PREPL: variants seen among roughly 807,000 people sequenced by gnomAD.
PREPL encodes prolyl endopeptidase like.
In PREPL, 77 loss-of-function variants were observed where a neutral mutation model predicts 70.6. The ratio of observed to expected loss-of-function variants is 1.09; its 90% confidence interval spans 0.91 to 1.32. The LOEUF is 1.32. Among genes scored for constraint, PREPL ranks in the 40% most tolerant of loss-of-function variants. The pLI is 0.00. For missense variants in PREPL, 1,002 were observed against 778.2 expected (o/e 1.29, Z -3.42); for synonymous variants, 315 against 264.8 (o/e 1.19, Z -1.84).
chr2:44,318,692 G>A lies in PREPL; in HGVS notation c.*2664C>T, dbSNP rs892878717. The A allele has an allele frequency of 6.6e-6, 1 of 151,858 alleles. No homozygotes were observed. Among genetic ancestry groups the A allele is most frequent in the Admixed American group, 6.6e-5 (1 of 15,240 alleles). 9.4% of individuals were successfully genotyped at this position (151,858 alleles called of 1,614,324 possible). Reference sequence around the variant, plus strand: ...TCTCTGAGGGGAACTGTGAAGCTATGGAAAGGTGTTGAAGAAAACCTTTTT... The same window carrying A: ...TCTCTGAGGGGAACTGTGAAGCTATAGAAAGGTGTTGAAGAAAACCTTTTT... On this transcript the variant is annotated 3_prime_UTR_variant, in exon 14 of 14. Transcript: ENST00000409411.
At chr2:44,321,689 C>CT in intron 13 of PREPL, 138 bp downstream of exon 13, 1 of 1,565,986 alleles carries the variant, frequency 6.4e-7, no homozygotes, top group Non-Finnish European at 8.7e-7. Flanking sequence ...GTGTCCCTCC[C>CT]TCCCCTCCTG....
intron 12 of PREPL, 93 bp downstream of exon 12, chr2:44,322,637 GA>G: frequency 6.9e-7 from 1 of 1,455,630 alleles, no homozygotes; most frequent in Non-Finnish European, 9.3e-7. Context: ...CTGGGCAGAT[GA>G]TTTGGCTACA....
Position 44,328,943 on chromosome 2 carries a change from T to C in PREPL, c.1256A>G (p.His419Arg), listed in dbSNP as rs1470203044. ...VDDGWILAYC[H>R]VRGGGELGLQ... Reference sequence around the variant, plus strand: ...GTAAAATATACTGACTCACCGAACATGGCAGTATGCTAATATCCATCCATC... The same window carrying C: ...GTAAAATATACTGACTCACCGAACACGGCAGTATGCTAATATCCATCCATC... The change falls in exon 9 of 14, where the codon CAT becomes CGT. Residue 419 changes from histidine (H) to arginine (R), a missense_variant. His to Arg is a conservative substitution (Grantham distance 29). Coordinates refer to ENST00000409411, the MANE Select transcript of PREPL (RefSeq NM_001171613.2). 4 of 1,612,238 alleles carry C rather than the reference T, an allele frequency of 2.5e-6. No homozygotes were observed. The African/African-American group carries it at 4.0e-5, about 16-fold the overall frequency.
At chr2:44,322,465 A>C (rs1299932049) in intron 12 of PREPL, among the ~76,000 whole-genome samples, 1 of 152,202 alleles carries the variant, frequency 6.6e-6, no homozygotes, top group Non-Finnish European at 1.5e-5. Flanking sequence ...GTGCATCTCC[A>C]AGTTATATCT....
chr2:44,338,736 G>A (rs1674897959), intron 6 of PREPL, among the ~76,000 whole-genome samples, 200 bp from the exon 7 acceptor site: 1 of 152,156 alleles, frequency 6.6e-6, no homozygotes, highest in Non-Finnish European at 1.5e-5. Flanking sequence ...TGGTGAGACA[G>A]TATATCCAGT....
At position 44,346,313 on chromosome 2, in the gene PREPL, T is replaced by C. The variant is rs1442379605; in HGVS notation, c.30A>G (p.Lys10=). 5 of 1,612,590 alleles carry C rather than the reference T, an allele frequency of 3.1e-6. No individual in the cohort carries two copies. The Admixed American group carries it at 8.3e-5, about 27-fold the overall frequency. MDAFEKVRT[K]LETQPQEEYE... Reference sequence around the variant, plus strand: ...ATTCTTCTTGTGGCTGTGTTTCTAATTTTGTTCTCACTTTTTCAAATGCAT... The same window carrying C: ...ATTCTTCTTGTGGCTGTGTTTCTAACTTTGTTCTCACTTTTTCAAATGCAT... Residue 10 remains lysine, a synonymous_variant, in exon 2 of 14, where the codon AAA becomes AAG. Transcript: ENST00000409411.
At chr2:44,341,572 G>A (rs1280111997) in intron 5 of PREPL, among the ~76,000 whole-genome samples, 1 of 152,020 alleles carries the variant, frequency 6.6e-6, no homozygotes, top group South Asian at 2.1e-4. Context: ...TGTGGTTACA[G>A]GAAGTGAGAA....
intron 7 of PREPL, among the ~76,000 whole-genome samples, chr2:44,335,157 A>C (rs1211373131): frequency 6.6e-6 from 1 of 152,252 alleles, no homozygotes; most frequent in Non-Finnish European, 1.5e-5. Flanking sequence ...GGGAAGGGTC[A>C]GAAAATGAAG....
intron 10 of PREPL, 118 bp downstream of exon 10, chr2:44,326,594 C>T: frequency 9.4e-7 from 1 of 1,068,542 alleles, no homozygotes; most frequent in Non-Finnish European, 1.4e-6. Context: ...CTCAGTTTCC[C>T]GAAGTGCTGG....
At chr2:44,331,202 C>T (rs1332056463) in intron 8 of PREPL, among the ~76,000 whole-genome samples, 1 of 152,182 alleles carries the variant, frequency 6.6e-6, no homozygotes, top group Non-Finnish European at 1.5e-5. Context: ...CTTGGCCTCC[C>T]AAAGTGTTGG....
chr2:44,321,826 C>A lies in PREPL; in HGVS notation c.1827+1G>T. On this transcript the variant is annotated splice_donor_variant, in intron 13 of 13. Coordinates refer to ENST00000409411, the MANE Select transcript of PREPL (RefSeq NM_001171613.2). LOFTEE classifies it high-confidence loss of function. ...CCACTGAGAGGGCCTTGATAACATACCTTTTTGTGAGAATCCTCAATTACA... is the reference window on the plus strand; with the variant it reads ...CCACTGAGAGGGCCTTGATAACATAACTTTTTGTGAGAATCCTCAATTACA... 3.1e-6 allele frequency: 5 copies of A among 1,613,722 alleles called. No individual in the cohort carries two copies. Among genetic ancestry groups the A allele is most frequent in the Non-Finnish European group, 4.2e-6 (5 of 1,179,736 alleles).
At chr2:44,343,697 G>C (rs1233995576) in intron 4 of PREPL, 48 bp downstream of exon 4, 1 of 1,530,002 alleles carries the variant, frequency 6.5e-7, no homozygotes, top group Non-Finnish European at 9.0e-7. Context: ...TTTCAAAAGT[G>C]TTACCGTTGC....
At chr2:44,351,089 ATT>A (rs112509073) in intron 1 of PREPL, among the ~76,000 whole-genome samples, 15,532 of 136,416 alleles carry the variant, frequency 0.11, 2,658 homozygotes, top group African/African-American at 0.39. Flanking sequence ...ACGCTGGCTA[ATT>A]TTTTTTTTTT....
chr2:44,322,727 C>T lies in PREPL; in HGVS notation c.1753+4G>A. On this transcript the variant is annotated splice_donor_region_variant and intron_variant, in intron 12 of 13. Transcript: ENST00000409411. ...ATGTTCCCTGCTTCTAGGGGGTCTCCTACCTTCACCTGTGTCCTTAGCATG... is the reference window on the plus strand; with the variant it reads ...ATGTTCCCTGCTTCTAGGGGGTCTCTTACCTTCACCTGTGTCCTTAGCATG... 5 of 1,612,212 alleles carry T rather than the reference C, an allele frequency of 3.1e-6. No homozygotes were observed. Among genetic ancestry groups the T allele is most frequent in the Non-Finnish European group, 4.2e-6 (5 of 1,179,136 alleles).
chr2:44,320,520 A>G lies in PREPL; in HGVS notation c.*836T>C, dbSNP rs1474623011. ...TTTTCTGGACAAGGGAGAGGGACTC[A>G]TCTTTGAACACAACACGAAGAATCT... On this transcript the variant is annotated 3_prime_UTR_variant, in exon 14 of 14. Coordinates refer to ENST00000409411, the MANE Select transcript of PREPL (RefSeq NM_001171613.2). The G allele has an allele frequency of 8.7e-6, 14 of 1,614,052 alleles. No homozygotes were observed. Among genetic ancestry groups the G allele is most frequent in the Non-Finnish European group, 1.1e-5 (13 of 1,179,986 alleles).
At chr2:44,339,755 T>C (rs1217768158) in intron 5 of PREPL, among the ~76,000 whole-genome samples, 1 of 152,134 alleles carries the variant, frequency 6.6e-6, no homozygotes, top group African/African-American at 2.4e-5. Flanking sequence ...ATCACATGAG[T>C]AGATAACATA....
In PREPL at chr2:44,320,316, T is replaced by G. The variant is rs780425541; in HGVS notation, c.*1040A>C. The G allele has an allele frequency of 5.4e-5, 87 of 1,614,030 alleles. No homozygotes were observed. Among genetic ancestry groups the G allele is most frequent in the Non-Finnish European group, 7.0e-5 (83 of 1,179,988 alleles). On this transcript the variant is annotated 3_prime_UTR_variant, in exon 14 of 14. Coordinates refer to ENST00000409411, the MANE Select transcript of PREPL (RefSeq NM_001171613.2). ...TTGCCATTTGAGGAATGACAGCCAC[T>G]ATGTTGTGTACACAAGAGAGCTGGA...
chr2:44,323,746 G>C (rs1003125962), intron 10 of PREPL, among the ~76,000 whole-genome samples: 5 of 152,114 alleles, frequency 3.3e-5, no homozygotes, highest in African/African-American at 9.7e-5. Context: ...AGGACAGTTA[G>C]TTATTATATT....
In PREPL at chr2:44,320,863, A is replaced by T. The variant is rs1672882659; in HGVS notation, c.*493T>A. 1.3e-5 allele frequency: 7 copies of T among 559,286 alleles called. No individual in the cohort carries two copies. The highest frequency in any genetic ancestry group is 2.2e-5 in the Non-Finnish European group (7 of 314,006). 34.6% of individuals were successfully genotyped at this position (559,286 alleles called of 1,614,324 possible). ...GAGCTTATAACTTTATTCAGATAGCATCAATCAGGGATGACCAGAACACAT... is the reference window on the plus strand; with the variant it reads ...GAGCTTATAACTTTATTCAGATAGCTTCAATCAGGGATGACCAGAACACAT... On this transcript the variant is annotated 3_prime_UTR_variant, in exon 14 of 14. Coordinates refer to ENST00000409411, the MANE Select transcript of PREPL (RefSeq NM_001171613.2).
Sources: allele counts gnomAD v4.1 joint callset (sites outside exome capture counted in the v4.1 genomes callset), GRCh38; gene constraint gnomAD v4.1.1; transcripts MANE v1.5; gene names NCBI Gene and HGNC (gene_info 2026-07-23, HGNC 2026-07-21).